Variants in DOCK6 observed in about 807,000 individuals in gnomAD.
The protein encoded by DOCK6 is dedicator of cytokinesis protein 6.
A neutral mutation model predicts 230.3 loss-of-function variants in DOCK6; 167 were observed. The ratio of observed to expected loss-of-function variants is 0.73; its 90% CI spans 0.64 to 0.82. The LOEUF is 0.82. Among genes scored for constraint, DOCK6 ranks in the 40% least tolerant of loss-of-function variants. The pLI is 0.00. For synonymous variants in DOCK6, 1,148 were observed against 1,185.0 expected, an observed-to-expected ratio of 0.97 and a Z score of 0.64; for missense variants, 2,598 against 2,825.8, an observed-to-expected ratio of 0.92 and a Z score of 1.83.
rs1228102157 is a variant in DOCK6 at position 11,225,240 on chromosome 19, G to A, written c.2955+2097C>T. On this transcript the variant is annotated intron_variant, in intron 24 of 47. Coordinates refer to ENST00000294618, the MANE Select transcript of DOCK6 (RefSeq NM_020812.4). ...AAGACTCCATCTCAAAAAAAAAAGT[G>A]GATTATCACAGGCATTGTTCTTCTC... is the stretch of plus-strand genomic sequence containing the variant. 2.6e-5 allele frequency among the ~76,000 whole-genome samples: 4 copies of A among 152,028 alleles called. No individual in the cohort carries two copies. The East Asian group carries it at 7.7e-4, about 29-fold the overall frequency.
At chr19:11,225,893 A>T (rs1317095290) in intron 24 of DOCK6, among the ~76,000 whole-genome samples, 1 of 146,288 alleles carries the variant, frequency 6.8e-6, no homozygotes, top group Non-Finnish European at 1.5e-5. Flanking sequence ...AAAAAAAAAA[A>T]ATTGCCAAGT....
chr19:11,235,732 G>A lies in DOCK6; in HGVS notation c.2420C>T (p.Ala807Val). The change falls in exon 21 of 48, where the codon GCA becomes GTA. Residue 807 changes from alanine to valine, a missense_variant. Coordinates refer to ENST00000294618, the MANE Select transcript of DOCK6 (RefSeq NM_020812.4). ...IVNLGRGAFE[A>V]MAHVVSLVHR... Reference sequence around the variant, plus strand: ...AACAAGGCTGACTACATGGGCCATTGCTTCAAAGGCTCCACGGCCCAGGTT... The same window carrying A: ...AACAAGGCTGACTACATGGGCCATTACTTCAAAGGCTCCACGGCCCAGGTT... The A allele has an allele frequency of 6.3e-7, 1 of 1,597,060 alleles. No homozygotes were observed. Among genetic ancestry groups the A allele is most frequent in the Non-Finnish European group, 8.5e-7 (1 of 1,171,268 alleles).
intron 21 of DOCK6, among the ~76,000 whole-genome samples, chr19:11,233,567 C>G (rs1199711888): frequency 6.6e-6 from 1 of 152,190 alleles, no homozygotes; most frequent in Non-Finnish European, 1.5e-5. Flanking sequence ...GGTACAGTGG[C>G]TCATGCCTAT....
At chr19:11,260,908 GA>G (rs869093112) in intron 1 of DOCK6, among the ~76,000 whole-genome samples, 27 of 111,034 alleles carry the variant, frequency 2.4e-4, no homozygotes, top group South Asian at 5.9e-4. Context: ...AAGAAAGAAA[GA>G]AAAGAAAAAG....
intron 7 of DOCK6, among the ~76,000 whole-genome samples, chr19:11,246,791 C>T (rs530471629): frequency 1.4e-4 from 22 of 152,300 alleles, no homozygotes; most frequent in Non-Finnish European, 2.5e-4. Flanking sequence ...CTCACCTGAA[C>T]GGCCACCATA....
At chr19:11,229,210 C>A (rs1043745667) in intron 22 of DOCK6, 175 bp from the exon 23 acceptor site, 45 of 1,295,706 alleles carry the variant, frequency 3.5e-5, no homozygotes, top group Non-Finnish European at 4.5e-5. Context: ...TCGCCAGACC[C>A]CCCTGGACTC....
intron 1 of DOCK6, among the ~76,000 whole-genome samples, chr19:11,259,099 T>G (rs901647721): frequency 2.1e-4 from 32 of 152,188 alleles, no homozygotes; most frequent in African/African-American, 7.5e-4. Flanking sequence ...TCACTCAGGC[T>G]GGAGTGCAGT....
Position 11,222,983 on chromosome 19 carries a change from C to G in DOCK6, c.3069+10G>C. ...CATGCCATGCCCACCCTGCCCACGC[C>G]CACTCCTACCTGCTTGTAGTGGGCC... On this transcript the variant is annotated intron_variant, in intron 25 of 47. Coordinates refer to ENST00000294618, the MANE Select transcript of DOCK6 (RefSeq NM_020812.4). The surrounding 1 kb of genome is among the most constrained non-coding windows in gnomAD (Gnocchi z 4.0). 1 of 1,613,788 alleles carries G rather than the reference C, an allele frequency of 6.2e-7. No individual in the cohort carries two copies. The highest frequency in any genetic ancestry group is 2.2e-5 in the East Asian group (1 of 44,880).
At position 11,252,198 on chromosome 19, in the gene DOCK6, C is replaced by T. The variant is rs371409446; in HGVS notation, c.428G>A (p.Arg143Gln). The part of the protein sequence containing the change: ...AYSPVTTDTQ[R>Q]ERQKGLPRQV... The stretch of plus-strand genomic sequence containing the variant: ...GCGGGGGAGGCCCTTCTGTCGCTCC[C>T]GCTGTGTGTCTGTGGTGACGGGGCT... The change falls in exon 5 of 48, where the codon CGG becomes CAG. Residue 143 changes from arginine to glutamine, a missense_variant. By Grantham distance (43) the Arg-to-Gln change is conservative. Coordinates refer to ENST00000294618, the MANE Select transcript of DOCK6 (RefSeq NM_020812.4). 1.5e-5 allele frequency: 23 copies of T among 1,582,328 alleles called. No homozygotes were observed. Among genetic ancestry groups the T allele is most frequent in the African/African-American group, 5.4e-5 (4 of 74,314 alleles).
chr19:11,218,479 ACT>A (rs1226609011), intron 28 of DOCK6, among the ~76,000 whole-genome samples: 1 of 150,908 alleles, frequency 6.6e-6, no homozygotes, highest in Non-Finnish European at 1.5e-5. Flanking sequence ...ACAGGATCTC[ACT>A]CTGTCACCCA....
At chr19:11,211,482 C>T (rs1437137894) in intron 37 of DOCK6, among the ~76,000 whole-genome samples, 3 of 151,382 alleles carry the variant, frequency 2.0e-5, no homozygotes, top group African/African-American at 7.3e-5. Context: ...TCTGTTCTCT[C>T]CTTACTTGTG....
In DOCK6 at chr19:11,215,732, T is replaced by C. The variant is rs2079474633; in HGVS notation, c.4021+69A>G. 1.9e-6 allele frequency: 3 copies of C among 1,605,766 alleles called. No individual in the cohort carries two copies. In the Admixed American group the frequency reaches 5.0e-5, roughly 27 times the overall value. On this transcript the variant is annotated intron_variant, in intron 31 of 47. Coordinates refer to ENST00000294618, the MANE Select transcript of DOCK6 (RefSeq NM_020812.4). Reference sequence around the variant, plus strand: ...AGTAAGCTAGGGATGGCCCCCTTCATGGGGTCCCCTTGACACAAGGTGGGA... The same window carrying C: ...AGTAAGCTAGGGATGGCCCCCTTCACGGGGTCCCCTTGACACAAGGTGGGA...
intron 1 of DOCK6, among the ~76,000 whole-genome samples, chr19:11,261,808 C>T (rs1263818811): frequency 6.6e-6 from 1 of 151,536 alleles, no homozygotes; most frequent in African/African-American, 2.4e-5. Context: ...GAGCCTGAAG[C>T]AGAAGGTGGG....
intron 24 of DOCK6, among the ~76,000 whole-genome samples, chr19:11,226,117 G>A (rs2079660279): frequency 6.6e-6 from 1 of 152,128 alleles, no homozygotes; most frequent in Admixed American, 6.6e-5. Context: ...GCTGGATTGA[G>A]TGATGGTCAC....
chr19:11,237,459 G>A lies in DOCK6; in HGVS notation c.2070C>T (p.Pro690=), dbSNP rs1020641955. The A allele has an allele frequency of 7.4e-6, 12 of 1,613,382 alleles. No homozygotes were observed. Among genetic ancestry groups the A allele is most frequent in the African/African-American group, 5.3e-5 (4 of 74,848 alleles). Residue 690 remains proline (P), a synonymous_variant, in exon 18 of 48, where the codon CCC becomes CCT. Transcript: ENST00000294618. ...GCAGGAGCTCCAGGGCACATACATC[G>A]GGTGTGAGCACGGAATAGCTGGGCG... ...QPPPSYSVLT[P]DVALPGMRWV...
Position 11,217,339 on chromosome 19 carries a change from T to C in DOCK6, c.3603A>G (p.Glu1201=). The C allele has an allele frequency of 1.2e-6, 2 of 1,613,558 alleles. No homozygotes were observed. Among genetic ancestry groups the C allele is most frequent in the Non-Finnish European group, 1.7e-6 (2 of 1,179,772 alleles). ...TGGTACCCGCAATGTCCCCTTCGCC[T>C]TCTGTGTCTGAGTCAAGCATTGAGG... is the stretch of plus-strand genomic sequence containing the variant. ...RLASMLDSDT[E]GEGDIAGTIN... Residue 1201 remains glutamate (E), a synonymous_variant, in exon 29 of 48, where the codon GAA becomes GAG. Coordinates refer to ENST00000294618, the MANE Select transcript of DOCK6 (RefSeq NM_020812.4).
chr19:11,209,333 G>C (rs937940431), intron 37 of DOCK6, among the ~76,000 whole-genome samples: 1 of 150,888 alleles, frequency 6.6e-6, no homozygotes, highest in Non-Finnish European at 1.5e-5. Context: ...CCAGTCATCT[G>C]TCTTCACCTG....
At chr19:11,209,980 C>T (rs2079345168) in intron 37 of DOCK6, among the ~76,000 whole-genome samples, 1 of 139,958 alleles carries the variant, frequency 7.1e-6, no homozygotes, top group South Asian at 2.5e-4. Context: ...CACCTGTCCA[C>T]CCTCTCACCT....
intron 6 of DOCK6, among the ~76,000 whole-genome samples, chr19:11,249,129 G>C (rs905117497): frequency 1.3e-5 from 2 of 152,160 alleles, no homozygotes; most frequent in East Asian, 3.9e-4. Context: ...ATTAAATAGA[G>C]AACTATACAG....
Sources: allele counts gnomAD v4.1 joint callset (sites outside exome capture counted in the v4.1 genomes callset), GRCh38; gene constraint gnomAD v4.1.1; non-coding constraint Gnocchi (gnomAD v3.1); transcripts MANE v1.5; gene names NCBI Gene and HGNC (gene_info 2026-07-23, HGNC 2026-07-21).